The following CCDC178 variants were observed in gnomAD, a reference collection of about 807,000 sequenced individuals.
CCDC178 encodes the protein coiled-coil domain-containing protein 178.
A neutral mutation model predicts 117.4 loss-of-function variants in CCDC178; 126 were observed. The ratio of observed to expected loss-of-function variants is 1.07; its 90% CI spans 0.93 to 1.24. CCDC178 has a LOEUF of 1.24. CCDC178 is among the 50% of genes most tolerant of loss of function. The pLI is 0.00. For synonymous variants in CCDC178, 283 were observed against 313.4 expected, an observed-to-expected ratio of 0.90 and a Z score of 1.02; for missense variants, 1,030 against 986.9, an observed-to-expected ratio of 1.04 and a Z score of -0.59.
intron 20 of CCDC178, among the ~76,000 whole-genome samples, chr18:33,178,990 C>A (rs1305562787): frequency 7.1e-6 from 1 of 140,424 alleles, no homozygotes; most frequent in African/African-American, 2.7e-5. Context: ...TCAACAATAT[C>A]TGGCATGTGT....
chr18:33,057,887 A>T (rs779634248), intron 21 of CCDC178, among the ~76,000 whole-genome samples: 18 of 152,204 alleles, frequency 1.2e-4, no homozygotes, highest in Non-Finnish European at 1.9e-4. Flanking sequence ...AGCTCTATAC[A>T]GTATTACAAA....
In CCDC178 at chr18:33,287,790, A is replaced by G. The variant is rs74831169; in HGVS notation, c.1176+5369T>C. Among the ~76,000 whole-genome samples, 1,009 of 152,206 alleles carry G rather than the reference A, an allele frequency of 6.6e-3. 15 individuals carry two copies. Among genetic ancestry groups the G allele is most frequent in the African/African-American group, 0.023 (937 of 41,476 alleles). ...AGAGACACCGTCTCAAAATAAATGA[A>G]TGAATAAATAAATAAATAAATAACA... On this transcript the variant is annotated intron_variant, in intron 12 of 22. Coordinates refer to ENST00000383096, the MANE Select transcript of CCDC178 (RefSeq NM_001105528.4).
At chr18:33,237,793 A>G (rs922688941) in intron 15 of CCDC178, among the ~76,000 whole-genome samples, 3 of 151,182 alleles carry the variant, frequency 2.0e-5, no homozygotes, top group Non-Finnish European at 4.4e-5. Flanking sequence ...AAAAAAAAAC[A>G]TAAATAAAAC....
chr18:33,086,748 C>G (rs908670778), intron 21 of CCDC178, among the ~76,000 whole-genome samples: 24 of 152,008 alleles, frequency 1.6e-4, no homozygotes, highest in African/African-American at 5.6e-4. Flanking sequence ...TAAATTCTGT[C>G]TCTCTGTATA....
chr18:33,317,434 T>A (rs1261787853), intron 11 of CCDC178, among the ~76,000 whole-genome samples: 1 of 152,198 alleles, frequency 6.6e-6, no homozygotes, highest in East Asian at 1.9e-4. Flanking sequence ...CTTTAAGAAC[T>A]GTAACACTCA....
At chr18:33,313,331 G>C (rs950291439) in intron 11 of CCDC178, among the ~76,000 whole-genome samples, 3 of 152,196 alleles carry the variant, frequency 2.0e-5, no homozygotes, top group Admixed American at 2.0e-4. Context: ...GAGGGGCTGA[G>C]ATAATTAAAA....
intron 12 of CCDC178, among the ~76,000 whole-genome samples, chr18:33,278,758 C>T (rs188172517): frequency 9.2e-5 from 14 of 151,974 alleles, no homozygotes; most frequent in South Asian, 2.1e-4. Flanking sequence ...CAATATGGAA[C>T]GATAATATAT....
chr18:33,065,267 T>C (rs566287624), intron 21 of CCDC178, among the ~76,000 whole-genome samples: 21 of 152,270 alleles, frequency 1.4e-4, no homozygotes, highest in Non-Finnish European at 5.9e-5. Flanking sequence ...CGCAAATATA[T>C]GATAAAGGCA....
At chr18:33,057,621 A>G (rs2056852452) in intron 21 of CCDC178, among the ~76,000 whole-genome samples, 1 of 152,132 alleles carries the variant, frequency 6.6e-6, no homozygotes, top group Non-Finnish European at 1.5e-5. Context: ...CCTCCTGAGT[A>G]GATGGGATTA....
chr18:33,188,603 T>C (rs191630497), intron 20 of CCDC178, among the ~76,000 whole-genome samples: 132 of 152,234 alleles, frequency 8.7e-4, no homozygotes, highest in Non-Finnish European at 7.1e-4. Flanking sequence ...AAAAGGTCTC[T>C]AGGACTAAGA....
chr18:33,038,114 C>A (rs1358069451), intron 21 of CCDC178, among the ~76,000 whole-genome samples: 2 of 151,804 alleles, frequency 1.3e-5, no homozygotes, highest in African/African-American at 2.4e-5. Flanking sequence ...AGCATCAAAG[C>A]AAAAATGATC....
intron 20 of CCDC178, among the ~76,000 whole-genome samples, chr18:33,187,385 C>G (rs373677260): frequency 6.6e-6 from 1 of 152,036 alleles, no homozygotes; most frequent in African/African-American, 2.4e-5. Context: ...AGATGCAACC[C>G]TTTCTCTCCT....
intron 22 of CCDC178, among the ~76,000 whole-genome samples, chr18:32,948,835 T>C (rs1295158848): frequency 1.3e-5 from 2 of 152,118 alleles, no homozygotes; most frequent in Admixed American, 1.3e-4. Context: ...TCATTATCAT[T>C]TGGGAGCCAA....
chr18:33,114,393 C>T (rs1333234229), intron 20 of CCDC178, among the ~76,000 whole-genome samples: 2 of 151,848 alleles, frequency 1.3e-5, no homozygotes, highest in Admixed American at 1.3e-4. Flanking sequence ...AACTTGGGGT[C>T]TGTAAGGAAG....
intron 20 of CCDC178, among the ~76,000 whole-genome samples, chr18:33,156,491 A>T (rs1444707379): frequency 6.6e-6 from 1 of 151,976 alleles, no homozygotes; most frequent in Non-Finnish European, 1.5e-5. Flanking sequence ...TGTAAAAGGA[A>T]AGAAGTATTT....
intron 11 of CCDC178, among the ~76,000 whole-genome samples, chr18:33,313,520 A>G (rs1486200966): frequency 6.6e-6 from 1 of 152,158 alleles, no homozygotes; most frequent in African/African-American, 2.4e-5. Flanking sequence ...AAACCCTCAT[A>G]AACTTCTTTT....
intron 20 of CCDC178, among the ~76,000 whole-genome samples, chr18:33,107,153 T>G (rs1262146197): frequency 6.6e-6 from 1 of 151,684 alleles, no homozygotes; most frequent in East Asian, 1.9e-4. Context: ...TTTTTAAACT[T>G]ATAAATTCAT....
chr18:33,018,836 T>TA (rs539922762), intron 21 of CCDC178, among the ~76,000 whole-genome samples: 3 of 151,936 alleles, frequency 2.0e-5, no homozygotes, highest in East Asian at 1.9e-4. Flanking sequence ...TCTGTGAATA[T>TA]AAAAAAAATC....
chr18:33,239,680 A>C, intron 15 of CCDC178, among the ~76,000 whole-genome samples: 1 of 151,974 alleles, frequency 6.6e-6, no homozygotes, highest in East Asian at 1.9e-4. Context: ...ACTCACATAT[A>C]TACCTAATGC....
Sources: gnomAD v4.1 joint callset for allele counts (sites outside exome capture counted in the v4.1 genomes callset) on GRCh38, gnomAD v4.1.1 for gene constraint, MANE v1.5 for transcripts, NCBI Gene and HGNC (gene_info 2026-07-23, HGNC 2026-07-21) for gene names.